The following CNBD1 variants were observed in gnomAD, a reference collection of about 807,000 sequenced individuals.
CNBD1 encodes the protein cyclic nucleotide-binding domain-containing protein 1.
In CNBD1, 71 loss-of-function variants were observed where a neutral mutation model predicts 54.4. The observed-to-expected ratio is 1.30, with a 90% confidence interval of 1.08 to 1.59. The LOEUF (loss-of-function observed/expected upper bound fraction) is 1.59. CNBD1 is among the 40% of genes most tolerant of loss of function. CNBD1 has a pLI of 0.00. For missense variants in CNBD1, 659 were observed against 518.0 expected, an observed-to-expected ratio of 1.27 and a Z score of -2.64; for synonymous variants, 182 against 170.7, an observed-to-expected ratio of 1.07 and a Z score of -0.51.
intron 4 of CNBD1, among the ~76,000 whole-genome samples, chr8:87,098,141 C>T (rs530836374): frequency 2.0e-5 from 3 of 152,196 alleles, no homozygotes; most frequent in South Asian, 4.2e-4. Flanking sequence ...GAATATTTTA[C>T]GTGGAAGGCA....
chr8:87,426,320 T>C (rs1808049931), intron 2 of CNBD1, among the ~76,000 whole-genome samples: 1 of 152,226 alleles, frequency 6.6e-6, no homozygotes, highest in South Asian at 2.1e-4. Flanking sequence ...GAGCTGTTCC[T>C]ATTCGGCCAT....
At chr8:87,326,199 G>T (rs1809665789) in intron 8 of CNBD1, among the ~76,000 whole-genome samples, 1 of 125,174 alleles carries the variant, frequency 8.0e-6, no homozygotes, top group African/African-American at 3.0e-5. Flanking sequence ...GCTTCCCTTT[G>T]AGGGTAACCC....
chr8:87,191,665 G>C (rs113120736), intron 4 of CNBD1, among the ~76,000 whole-genome samples: 30 of 152,226 alleles, frequency 2.0e-4, no homozygotes, highest in African/African-American at 5.5e-4. Context: ...GAGTCTAGTG[G>C]GATATAAATT....
intron 6 of CNBD1, 85 bp from the exon 7 acceptor site, chr8:87,284,593 G>T (rs1037903206): frequency 1.7e-5 from 20 of 1,208,974 alleles, no homozygotes; most frequent in Non-Finnish European, 1.9e-5. Context: ...TAGAATGAAA[G>T]CTTGACCTAC....
chr8:86,895,178 G>A (rs914898343), intron 2 of CNBD1, among the ~76,000 whole-genome samples: 2 of 151,918 alleles, frequency 1.3e-5, no homozygotes. Context: ...AATTTTGGGG[G>A]GCACATTTAA....
At chr8:87,426,232 G>A (rs985879661) in intron 2 of CNBD1, among the ~76,000 whole-genome samples, 3 of 152,198 alleles carry the variant, frequency 2.0e-5, no homozygotes, top group African/African-American at 4.8e-5. Context: ...ACTCCCTAGT[G>A]AGATGAACCC....
At chr8:87,031,835 G>C (rs532601972) in intron 4 of CNBD1, among the ~76,000 whole-genome samples, 8 of 152,252 alleles carry the variant, frequency 5.3e-5, no homozygotes, top group Non-Finnish European at 8.8e-5. Context: ...CCACCCCCCA[G>C]GTTCAAGCCA....
At chr8:86,932,616 A>G (rs1363819750) in intron 3 of CNBD1, among the ~76,000 whole-genome samples, 1 of 152,224 alleles carries the variant, frequency 6.6e-6, no homozygotes, top group East Asian at 1.9e-4. Flanking sequence ...GTCAAGCTGC[A>G]GGAAAGCTGT....
At chr8:87,219,131 T>A (rs1814272587) in intron 5 of CNBD1, among the ~76,000 whole-genome samples, 1 of 152,094 alleles carries the variant, frequency 6.6e-6, no homozygotes, top group African/African-American at 2.4e-5. Flanking sequence ...TTCAAATTGA[T>A]ACATGAGGCT....
At chr8:87,180,605 A>G (rs966777177) in intron 4 of CNBD1, among the ~76,000 whole-genome samples, 1 of 152,188 alleles carries the variant, frequency 6.6e-6, no homozygotes, top group Non-Finnish European at 1.5e-5. Context: ...ATATTAAAGA[A>G]TATATAATTT....
chr8:87,388,288 C>A, intron 2 of CNBD1, among the ~76,000 whole-genome samples: 1 of 152,014 alleles, frequency 6.6e-6, no homozygotes, highest in Non-Finnish European at 1.5e-5. Context: ...ACACAAAAAA[C>A]CCTTCAAAAA....
At chr8:87,352,219 G>A (rs949938657) in intron 9 of CNBD1, among the ~76,000 whole-genome samples, 3 of 152,136 alleles carry the variant, frequency 2.0e-5, no homozygotes, top group Non-Finnish European at 4.4e-5. Context: ...AGTGGCTCAT[G>A]TCTGTAATCC....
At chr8:86,951,998 C>A (rs1315019378) in intron 4 of CNBD1, among the ~76,000 whole-genome samples, 1 of 152,128 alleles carries the variant, frequency 6.6e-6, no homozygotes, top group Non-Finnish European at 1.5e-5. Context: ...TCAGCAGAAA[C>A]CCTTTGCTCA....
intron 2 of CNBD1, among the ~76,000 whole-genome samples, chr8:87,414,503 C>T (rs1383555213): frequency 2.0e-5 from 3 of 151,712 alleles, no homozygotes; most frequent in African/African-American, 4.8e-5. Flanking sequence ...GCACATGTAC[C>T]CTAAAACTTA....
intron 4 of CNBD1, among the ~76,000 whole-genome samples, chr8:87,051,120 A>G (rs1810302251): frequency 6.6e-6 from 1 of 152,210 alleles, no homozygotes; most frequent in Admixed American, 6.5e-5. Flanking sequence ...ACTTTCAGGC[A>G]TAATTAAAAA....
chr8:87,335,747 A>G (rs1336089472), intron 8 of CNBD1, among the ~76,000 whole-genome samples: 1 of 152,146 alleles, frequency 6.6e-6, no homozygotes, highest in African/African-American at 2.4e-5. Context: ...TCATGTCGTC[A>G]TGACACTGGC....
chr8:87,396,587 A>T (rs1176660152), intron 2 of CNBD1, among the ~76,000 whole-genome samples: 1 of 151,724 alleles, frequency 6.6e-6, no homozygotes, highest in Non-Finnish European at 1.5e-5. Context: ...TTTTCTTATG[A>T]CTGTTGAATA....
intron 2 of CNBD1, among the ~76,000 whole-genome samples, chr8:87,395,056 T>A (rs1349665519): frequency 6.7e-6 from 1 of 149,084 alleles, no homozygotes; most frequent in African/African-American, 2.6e-5. Context: ...TCGCTTAATG[T>A]TTTTTTTACT....
chr8:87,418,196 T>C (rs1322570677), intron 2 of CNBD1, among the ~76,000 whole-genome samples: 1 of 151,924 alleles, frequency 6.6e-6, no homozygotes, highest in Non-Finnish European at 1.5e-5. Flanking sequence ...GATAGACATA[T>C]GGGCTAATAG....
Sources: gnomAD v4.1 joint callset for allele counts (sites outside exome capture counted in the v4.1 genomes callset) on GRCh38, gnomAD v4.1.1 for gene constraint, MANE v1.5 for transcripts, NCBI Gene and HGNC (gene_info 2026-07-23, HGNC 2026-07-21) for gene names.